Variants in STEAP2 observed in about 807,000 individuals in gnomAD.
STEAP2 encodes the protein STEAP2 metalloreductase.
In STEAP2, 30 loss-of-function variants were observed where a neutral mutation model predicts 46.4. That is an observed-to-expected ratio of 0.65 (90% confidence interval 0.48 to 0.88). The LOEUF (loss-of-function observed/expected upper bound fraction) is 0.88, where lower values mean the gene tolerates loss of function less well. STEAP2 is among the 40% of genes least tolerant of loss of function. The pLI is 0.00. For missense variants in STEAP2, 513 were observed against 579.3 expected (o/e 0.89, Z 1.18); for synonymous variants, 180 against 200.5 (o/e 0.90, Z 0.86).
rs1795876687 is a variant in STEAP2 at position 90,234,301 on chromosome 7, C to T, written c.*1677C>T. ...TTCCCCCCACCCCAATTTGCTATTTCCTTATTAAAATAGAAAATTATAGGC... is the reference window on the plus strand; with the variant it reads ...TTCCCCCCACCCCAATTTGCTATTTTCTTATTAAAATAGAAAATTATAGGC... On this transcript the variant is annotated 3_prime_UTR_variant, in exon 6 of 6. Transcript: ENST00000394621. 2.0e-6 allele frequency: 2 copies of T among 985,054 alleles called. No homozygotes were observed. Among genetic ancestry groups the T allele is most frequent in the African/African-American group, 3.5e-5 (2 of 57,172 alleles). The allele number at this position is 985,054 out of a possible 1,614,324, so 61.0% of individuals were successfully genotyped here. A position where few individuals can be genotyped will look rare whatever the true frequency, so the allele number is the denominator to read the frequency against.
At chr7:90,215,463 A>G (rs995061450) in intron 1 of STEAP2, 9 of 152,224 alleles carry the variant, frequency 5.9e-5, no homozygotes, top group Non-Finnish European at 1.2e-4. Context: ...CTATCAAAAT[A>G]ATACATTCTC....
chr7:90,236,665 C>G lies in STEAP2; in HGVS notation c.*4041C>G. ...ATACAGTGCTTAATTTTCAGAGATT[C>G]TTTCCATATGTTACTAAAAAATGTT... On this transcript the variant is annotated 3_prime_UTR_variant, in exon 6 of 6. Transcript: ENST00000394621. 7.9e-7 allele frequency: 1 copy of G among 1,261,424 alleles called. No individual in the cohort carries two copies. The highest frequency in any genetic ancestry group is 1.0e-6 in the Non-Finnish European group (1 of 1,003,862). The allele number at this position is 1,261,424 out of a possible 1,614,324, so 78.1% of individuals were successfully genotyped here.
chr7:90,217,116 G>C (rs1475189479), intron 2 of STEAP2, among the ~76,000 whole-genome samples: 1 of 152,198 alleles, frequency 6.6e-6, no homozygotes, highest in South Asian at 2.1e-4. Flanking sequence ...AGCCTGCTTA[G>C]ACTAACTTTT....
chr7:90,240,135 C>A (rs1332289908), downstream of STEAP2, among the ~76,000 whole-genome samples: 2 of 151,910 alleles, frequency 1.3e-5, no homozygotes, highest in African/African-American at 4.8e-5. This position sits in a 1 kb window ranked among gnomAD's most constrained non-coding sequence, Gnocchi z 4.1. Flanking sequence ...TAGCCAGACA[C>A]GGTGGCACAC....
downstream of STEAP2, among the ~76,000 whole-genome samples, chr7:90,239,097 T>A (rs17863049): frequency 0.07 from 10,609 of 152,252 alleles, 422 homozygotes; most frequent in Middle Eastern, 0.099. Context: ...CTGAACTGTG[T>A]TTCCTCAAAA....
downstream of STEAP2, among the ~76,000 whole-genome samples, chr7:90,240,415 A>C (rs1174532083): frequency 5.3e-5 from 8 of 152,224 alleles, no homozygotes; most frequent in Admixed American, 2.6e-4. The surrounding 1 kb of genome is among the most constrained non-coding windows in gnomAD (Gnocchi z 4.1). Context: ...TATTTAAAAT[A>C]AATTACTCTA....
At chr7:90,215,965 G>A (rs1021930712) in intron 1 of STEAP2, 2 of 152,000 alleles carry the variant, frequency 1.3e-5, no homozygotes, top group African/African-American at 4.8e-5. Flanking sequence ...AGTAAAGATG[G>A]GGTTTAATCA....
chr7:90,225,671 C>A, intron 3 of STEAP2, 97 bp downstream of exon 3: 1 of 1,312,902 alleles, frequency 7.6e-7, no homozygotes. Flanking sequence ...CTGACACTTT[C>A]CAATGATTAT....
downstream of STEAP2, among the ~76,000 whole-genome samples, chr7:90,240,851 CATGTTTCTCTGCT>C (rs1388460892): frequency 6.6e-6 from 1 of 152,180 alleles, no homozygotes; most frequent in Non-Finnish European, 1.5e-5. The surrounding 1 kb of genome is among the most constrained non-coding windows in gnomAD (Gnocchi z 4.1). Flanking sequence ...ACTCATTTCC[CATGTTTCTCTGCT>C]ATTTATCTTT....
At chr7:90,238,315 T>G (rs894713444), downstream of STEAP2, among the ~76,000 whole-genome samples, 6 of 152,222 alleles carry the variant, frequency 3.9e-5, no homozygotes, top group Non-Finnish European at 7.3e-5. Flanking sequence ...AGGAGGATTG[T>G]CAGGTAAAAT....
chr7:90,233,212 CAAATT>C lies in STEAP2; in HGVS notation c.*592_*596del, dbSNP rs1795831683. On this transcript the variant is annotated 3_prime_UTR_variant, in exon 6 of 6. Transcript: ENST00000394621. ...TATGAAGAGACACAAATTAAAAAGA[CAAATT>C]AAACCTGAAATTATATTTAAAATAT... The C allele has an allele frequency of 1.0e-6, 1 of 952,662 alleles. No individual in the cohort carries two copies. The highest frequency in any genetic ancestry group is 1.2e-6 in the Non-Finnish European group (1 of 800,372). 59.0% of individuals were successfully genotyped at this position (952,662 alleles called of 1,614,324 possible).
intron 2 of STEAP2, 23 bp from the exon 3 acceptor site, chr7:90,225,026 AC>A (rs763573240): frequency 6.4e-7 from 1 of 1,562,504 alleles, no homozygotes. Context: ...GTAACTGATG[AC>A]CATTTTATTT....
intron 2 of STEAP2, among the ~76,000 whole-genome samples, chr7:90,216,924 C>T (rs760518279): frequency 3.3e-5 from 5 of 152,192 alleles, no homozygotes; most frequent in Non-Finnish European, 5.9e-5. Flanking sequence ...TTGAGAAATA[C>T]TGCTTTAGTA....
chr7:90,217,808 G>A lies in STEAP2; in HGVS notation c.-34+1205G>A, dbSNP rs145321600. On this transcript the variant is annotated intron_variant, in intron 2 of 5. Transcript: ENST00000394621. ...CGGTAGTGAGATTACTGGATTGTAT[G>A]GTAGTTCCATTTTTAGTCTTTTGAG... Among the ~76,000 whole-genome samples, 3 of 151,528 alleles carry A rather than the reference G, an allele frequency of 2.0e-5. No homozygotes were observed. In the East Asian group the frequency reaches 5.8e-4, roughly 29 times the overall value.
intron 1 of STEAP2, among the ~76,000 whole-genome samples, chr7:90,215,043 A>AGAGGACAGCAGT (rs1246393452): frequency 6.6e-6 from 1 of 152,196 alleles, no homozygotes; most frequent in African/African-American, 2.4e-5. Context: ...AGAAGTCAGT[A>AGAGGACAGCAGT]GAGGACAGCA....
At chr7:90,241,671 C>T (rs1284888146), downstream of STEAP2, among the ~76,000 whole-genome samples, 1 of 152,148 alleles carries the variant, frequency 6.6e-6, no homozygotes, top group East Asian at 1.9e-4. Flanking sequence ...TTCTGATACA[C>T]ATTAGGTTTT....
intron 1 of STEAP2, chr7:90,215,766 AC>A (rs544209705): frequency 5.7e-4 from 87 of 152,238 alleles, no homozygotes; most frequent in African/African-American, 1.9e-3. Context: ...TCTATAAATG[AC>A]ATAGTTGTTT....
At chr7:90,218,812 T>C (rs1795135320) in intron 2 of STEAP2, among the ~76,000 whole-genome samples, 1 of 152,158 alleles carries the variant, frequency 6.6e-6, no homozygotes, top group Non-Finnish European at 1.5e-5. Context: ...CTATGAAAAA[T>C]CACATTGGTA....
At chr7:90,230,191 C>G (rs1180170195) in intron 5 of STEAP2, among the ~76,000 whole-genome samples, 155 bp downstream of exon 5, 2 of 151,794 alleles carry the variant, frequency 1.3e-5, no homozygotes, top group Admixed American at 6.6e-5. Context: ...TAGGATTGCT[C>G]TGGTTAAATA....
Sources: allele counts gnomAD v4.1 joint callset (sites outside exome capture counted in the v4.1 genomes callset), GRCh38; gene constraint gnomAD v4.1.1; non-coding constraint Gnocchi (gnomAD v3.1); transcripts MANE v1.5; gene names NCBI Gene and HGNC (gene_info 2026-07-23, HGNC 2026-07-21).